GABRR2: variants seen among roughly 807,000 people sequenced by gnomAD.
GABRR2 encodes the protein gamma-aminobutyric acid receptor subunit rho-2.
A neutral mutation model predicts 47.0 loss-of-function variants in GABRR2; 36 were observed. The ratio of observed to expected loss-of-function variants is 0.77; its 90% CI spans 0.59 to 1.01. GABRR2 has a LOEUF of 1.01. Among genes scored for constraint, GABRR2 ranks in the 50% least tolerant of loss-of-function variants. The pLI, the probability that GABRR2 is intolerant of heterozygous loss-of-function variation, is 0.00. For missense variants in GABRR2, 587 were observed against 594.6 expected, an observed-to-expected ratio of 0.99 and a Z score of 0.13; for synonymous variants, 204 against 227.5, an observed-to-expected ratio of 0.90 and a Z score of 0.93.
Position 89,267,808 on chromosome 6 carries a change from C to T in GABRR2, c.607G>A (p.Asp203Asn), listed in dbSNP as rs1379421878. 2.9e-5 allele frequency: 47 copies of T among 1,613,030 alleles called. No individual in the cohort carries two copies. Among genetic ancestry groups the T allele is most frequent in the Non-Finnish European group, 4.0e-5 (47 of 1,179,618 alleles). The change falls in exon 6 of 9, where the codon GAT becomes AAT. Residue 203 changes from aspartate (D) to asparagine (N), a missense_variant. Transcript: ENST00000402938. The part of the protein sequence containing the change: ...SLELESYAYT[D>N]EDLMLYWKNG... ...TTCCAGTACAGCATTAGATCTTCAT[C>T]TGTATAGGCATCTTTGGGAAGAGGA...
In GABRR2 at chr6:89,255,165, G is replaced by A. The variant is rs937567081; in HGVS notation, c.*2505C>T. On this transcript the variant is annotated 3_prime_UTR_variant, in exon 9 of 9. Coordinates refer to ENST00000402938, the MANE Select transcript of GABRR2 (RefSeq NM_002043.5). Reference sequence around the variant, plus strand: ...AGATAAAAGGTTTCTGGCCGGGTGTGGTGGCTCACGCCTGTAATCACAGCA... The same window carrying A: ...AGATAAAAGGTTTCTGGCCGGGTGTAGTGGCTCACGCCTGTAATCACAGCA... Among the ~76,000 whole-genome samples, 1 of 152,200 alleles carries A rather than the reference G, an allele frequency of 6.6e-6. No individual in the cohort carries two copies. Among genetic ancestry groups the A allele is most frequent in the Non-Finnish European group, 1.5e-5 (1 of 68,040 alleles).
intron 2 of GABRR2, among the ~76,000 whole-genome samples, chr6:89,285,521 T>A (rs1438774907): frequency 6.6e-6 from 1 of 152,014 alleles, no homozygotes; most frequent in Non-Finnish European, 1.5e-5. Context: ...CTGTGGCTCC[T>A]CCCTCCAGAG....
intron 2 of GABRR2, among the ~76,000 whole-genome samples, chr6:89,272,964 C>T (rs959096872): frequency 2.6e-5 from 4 of 152,178 alleles, no homozygotes; most frequent in East Asian, 1.9e-4. Context: ...GACTCCCCCA[C>T]GGCTCCCCAT....
intron 1 of GABRR2, among the ~76,000 whole-genome samples, chr6:89,314,142 T>G (rs536299987): frequency 6.6e-6 from 1 of 152,104 alleles, no homozygotes; most frequent in Non-Finnish European, 1.5e-5. Flanking sequence ...TTCAAAAACT[T>G]GTCATTGACA....
At chr6:89,261,028 A>T (rs571337615) in intron 8 of GABRR2, among the ~76,000 whole-genome samples, 23 of 152,346 alleles carry the variant, frequency 1.5e-4, no homozygotes, top group African/African-American at 5.3e-4. Context: ...GGGGAGACTT[A>T]GCGGCCTGAG....
intron 2 of GABRR2, among the ~76,000 whole-genome samples, chr6:89,286,098 G>A (rs1436386926): frequency 6.6e-6 from 1 of 152,092 alleles, no homozygotes. Flanking sequence ...GAATCCTATG[G>A]CCTAAATGTT....
At chr6:89,295,491 T>A (rs1481587131) in intron 2 of GABRR2, among the ~76,000 whole-genome samples, 3 of 151,904 alleles carry the variant, frequency 2.0e-5, no homozygotes, top group Non-Finnish European at 2.9e-5. Context: ...GATTTTTTTT[T>A]AATTTGTTTG....
At chr6:89,313,947 A>G (rs1346889329) in intron 1 of GABRR2, among the ~76,000 whole-genome samples, 3 of 152,048 alleles carry the variant, frequency 2.0e-5, no homozygotes, top group Non-Finnish European at 4.4e-5. Flanking sequence ...AAAGAGAGTA[A>G]TAACCTCTCC....
rs752081387 is a variant in GABRR2 at position 89,265,626 on chromosome 6, G to C, written c.876C>G (p.Ala292=). Residue 292 remains alanine, a synonymous_variant, in exon 7 of 9, where the codon GCC becomes GCG. Coordinates refer to ENST00000402938, the MANE Select transcript of GABRR2 (RefSeq NM_002043.5). ...AAATGCTTTTACCCAGTGAAACTCT[G>C]GCAGGCACAGCTCTGCGGTCGATCC... The part of the protein sequence containing the change: ...SFWIDRRAVP[A]RVSLGITTVL... The C allele has an allele frequency of 1.2e-6, 2 of 1,613,438 alleles. No homozygotes were observed. The highest frequency in any genetic ancestry group is 2.7e-5 in the African/African-American group (2 of 74,860).
intron 2 of GABRR2, among the ~76,000 whole-genome samples, chr6:89,290,804 C>A (rs1774426521): frequency 6.6e-6 from 1 of 152,210 alleles, no homozygotes; most frequent in African/African-American, 2.4e-5. Context: ...CGGGCTGCAT[C>A]CTTCTTTTGA....
intron 8 of GABRR2, among the ~76,000 whole-genome samples, chr6:89,259,557 G>T (rs1205710848): frequency 6.6e-6 from 1 of 151,760 alleles, no homozygotes; most frequent in Non-Finnish European, 1.5e-5. Flanking sequence ...AGTCTGGAGT[G>T]CAGTGGCTCG....
intron 8 of GABRR2, among the ~76,000 whole-genome samples, chr6:89,259,620 C>T (rs1452031267): frequency 6.6e-6 from 1 of 152,074 alleles, no homozygotes; most frequent in Non-Finnish European, 1.5e-5. Flanking sequence ...TCTCCTGCCT[C>T]AGCCTCCTGA....
intron 1 of GABRR2, among the ~76,000 whole-genome samples, chr6:89,309,636 A>G (rs1034050024): frequency 6.6e-6 from 1 of 152,202 alleles, no homozygotes; most frequent in Non-Finnish European, 1.5e-5. Flanking sequence ...AGCAGAAGGT[A>G]CAGAGTTTCT....
Position 89,267,662 on chromosome 6 carries a change from T to A in GABRR2, c.736+17A>T. 1 of 1,604,814 alleles carries A rather than the reference T, an allele frequency of 6.2e-7. No homozygotes were observed. The highest frequency in any genetic ancestry group is 8.5e-7 in the Non-Finnish European group (1 of 1,176,476). The stretch of plus-strand genomic sequence containing the variant: ...TTTCTTGCACATTTGAATCAGATTG[T>A]GGCAAAAGATAGCTACCAGTGCTGC... On this transcript the variant is annotated intron_variant, in intron 6 of 8. Coordinates refer to ENST00000402938, the MANE Select transcript of GABRR2 (RefSeq NM_002043.5).
chr6:89,310,336 G>A (rs1343885106), intron 1 of GABRR2, among the ~76,000 whole-genome samples: 1 of 152,150 alleles, frequency 6.6e-6, no homozygotes, highest in Non-Finnish European at 1.5e-5. Flanking sequence ...CACAGCTGCA[G>A]ACAGGAAGGT....
intron 2 of GABRR2, among the ~76,000 whole-genome samples, chr6:89,277,312 G>C (rs974302420): frequency 2.0e-5 from 3 of 152,142 alleles, no homozygotes; most frequent in Admixed American, 6.5e-5. Context: ...AGTTTCCTGA[G>C]GCTTCCCAAG....
intron 2 of GABRR2, among the ~76,000 whole-genome samples, chr6:89,297,601 T>C (rs944131376): frequency 3.3e-5 from 5 of 152,220 alleles, no homozygotes; most frequent in African/African-American, 1.2e-4. Flanking sequence ...ACGCCTGTAA[T>C]CCCAGCACTT....
rs1773589939 is a variant in GABRR2 at position 89,255,834 on chromosome 6, C to T, written c.*1836G>A. ...CAGTAGCTACTAGCAACTGTGCTTACTAAGCCCACTTGAGTGTGGATGGTG... is the reference window on the plus strand; with the variant it reads ...CAGTAGCTACTAGCAACTGTGCTTATTAAGCCCACTTGAGTGTGGATGGTG... On this transcript the variant is annotated 3_prime_UTR_variant, in exon 9 of 9. Transcript: ENST00000402938. Among the ~76,000 whole-genome samples, 1 of 152,166 alleles carries T rather than the reference C, an allele frequency of 6.6e-6. No individual in the cohort carries two copies. Among genetic ancestry groups the T allele is most frequent in the African/African-American group, 2.4e-5 (1 of 41,428 alleles).
chr6:89,268,657 G>GA (rs1773968511), intron 4 of GABRR2, among the ~76,000 whole-genome samples: 1 of 7,130 alleles, frequency 1.4e-4, no homozygotes, highest in Non-Finnish European at 3.1e-4. Flanking sequence ...TTTGGGGGAC[G>GA]GGGGGGGGCT....
Sources: allele counts gnomAD v4.1 joint callset (sites outside exome capture counted in the v4.1 genomes callset), GRCh38; gene constraint gnomAD v4.1.1; transcripts MANE v1.5; gene names NCBI Gene and HGNC (gene_info 2026-07-23, HGNC 2026-07-21).